NBEA: variants seen among roughly 807,000 people sequenced by gnomAD.
NBEA encodes neurobeachin, also known as lysosomal-trafficking regulator 2.
In NBEA, 44 loss-of-function variants were observed where a neutral mutation model predicts 343.4. The observed-to-expected ratio is 0.13, with a 90% confidence interval of 0.10 to 0.16. NBEA has a LOEUF of 0.16. Ranked by LOEUF, NBEA falls within the 10% of genes least tolerant of loss-of-function variation. The pLI is 1.00. For missense variants in NBEA, 2,555 were observed against 3,631.3 expected, an observed-to-expected ratio of 0.70 and a Z score of 7.62; for synonymous variants, 1,175 against 1,238.7, an observed-to-expected ratio of 0.95 and a Z score of 1.08.
At chr13:35,429,329 G>A (rs539475681) in intron 38 of NBEA, among the ~76,000 whole-genome samples, 14 of 152,186 alleles carry the variant, frequency 9.2e-5, no homozygotes, top group Admixed American at 3.9e-4. Context: ...TGCTGGTGTA[G>A]GTCAGGTGGG....
At chr13:35,044,603 G>GGTGTGTGTGTGTGT (rs3045194) in intron 2 of NBEA, among the ~76,000 whole-genome samples, 17 of 142,598 alleles carry the variant, frequency 1.2e-4, no homozygotes, top group South Asian at 2.3e-4. Context: ...GCTGTGTTGT[G>GGTGTGTGTGTGTGT]GTGTGTGTGT....
intron 41 of NBEA, among the ~76,000 whole-genome samples, chr13:35,542,557 A>G (rs1047373266): frequency 1.3e-5 from 2 of 152,284 alleles, no homozygotes; most frequent in Non-Finnish European, 2.9e-5. Context: ...AAACTCTTCT[A>G]CCAGATATTT....
At chr13:35,289,890 ATTAT>A (rs1213259762) in intron 34 of NBEA, among the ~76,000 whole-genome samples, 3 of 151,832 alleles carry the variant, frequency 2.0e-5, no homozygotes, top group South Asian at 2.1e-4. Flanking sequence ...TATTTTTAAA[ATTAT>A]TTAATAACTG....
chr13:35,018,101 A>G (rs1006777581), intron 1 of NBEA, among the ~76,000 whole-genome samples: 2 of 151,970 alleles, frequency 1.3e-5, no homozygotes, highest in Admixed American at 6.6e-5. Flanking sequence ...TGTTCTGTTA[A>G]TGTGTATGTC....
chr13:34,944,368 G>C (rs571425978), intron 1 of NBEA, among the ~76,000 whole-genome samples: 1 of 152,336 alleles, frequency 6.6e-6, no homozygotes, highest in East Asian at 1.9e-4. Flanking sequence ...ATTAGATAAT[G>C]TCTACGGTTT....
chr13:35,441,847 A>G (rs1253922263), intron 39 of NBEA, among the ~76,000 whole-genome samples: 3 of 147,478 alleles, frequency 2.0e-5, no homozygotes, highest in Non-Finnish European at 4.5e-5. Context: ...AAAAAAAAAA[A>G]GAAGACACTG....
Position 35,159,573 on chromosome 13 carries a change from T to C in NBEA, c.3402T>C (p.Asp1134=). ...KDNGPLITLA[D]EKEDLPNSST... ...ATGGTCCATTGATAACATTAGCAGA[T>C]GAGAAAGAAGACCTTCCCAATAGTA... Residue 1134 remains aspartate (D), a synonymous_variant, in exon 22 of 59, where the codon GAT becomes GAC. Transcript: ENST00000379939. 1 of 1,612,388 alleles carries C rather than the reference T, an allele frequency of 6.2e-7. No homozygotes were observed.
At chr13:35,638,580 C>T (rs2083802691) in intron 49 of NBEA, among the ~76,000 whole-genome samples, 1 of 152,176 alleles carries the variant, frequency 6.6e-6, no homozygotes, top group Admixed American at 6.5e-5. Flanking sequence ...TATGGAGGCG[C>T]ATCTTCCAGA....
chr13:35,473,414 A>G (rs995595046), intron 41 of NBEA, among the ~76,000 whole-genome samples: 17 of 152,196 alleles, frequency 1.1e-4, no homozygotes, highest in Admixed American at 9.8e-4. Context: ...CCACAGATCC[A>G]GAACTTTATT....
chr13:35,270,581 A>C (rs965143450), intron 34 of NBEA, among the ~76,000 whole-genome samples: 1 of 152,156 alleles, frequency 6.6e-6, no homozygotes, highest in Non-Finnish European at 1.5e-5. Context: ...TAGCCAAGGG[A>C]AGCCATGAGT....
At chr13:35,255,034 A>G (rs1224952040) in intron 34 of NBEA, among the ~76,000 whole-genome samples, 1 of 152,232 alleles carries the variant, frequency 6.6e-6, no homozygotes, top group Non-Finnish European at 1.5e-5. Context: ...TGAAAACTAA[A>G]AAATAAAATG....
chr13:35,454,889 A>G (rs1008546110), intron 40 of NBEA, among the ~76,000 whole-genome samples: 1 of 151,970 alleles, frequency 6.6e-6, no homozygotes, highest in Non-Finnish European at 1.5e-5. Context: ...AAATAAAAAT[A>G]AAAAATAAAA....
At chr13:35,154,700 TA>T in intron 18 of NBEA, among the ~76,000 whole-genome samples, 1 of 152,344 alleles carries the variant, frequency 6.6e-6, no homozygotes, top group South Asian at 2.1e-4. Context: ...GGAAAGTTAG[TA>T]AATGTTTTAG....
intron 4 of NBEA, among the ~76,000 whole-genome samples, chr13:35,046,026 G>A (rs1255823239): frequency 6.6e-6 from 1 of 151,980 alleles, no homozygotes; most frequent in Non-Finnish European, 1.5e-5. Flanking sequence ...ACCCGGCCTG[G>A]TATATAGTCT....
At chr13:35,018,373 G>A (rs1025514383) in intron 1 of NBEA, among the ~76,000 whole-genome samples, 2 of 152,100 alleles carry the variant, frequency 1.3e-5, no homozygotes, top group Non-Finnish European at 2.9e-5. Context: ...GTAAATGTCT[G>A]TATCTACTTA....
chr13:35,595,419 T>C (rs1261906443), intron 47 of NBEA, among the ~76,000 whole-genome samples: 1 of 152,102 alleles, frequency 6.6e-6, no homozygotes, highest in Non-Finnish European at 1.5e-5. Context: ...TTGCTCTCAT[T>C]TTCAGCTCTC....
At chr13:35,308,520 A>G (rs1221485187) in intron 35 of NBEA, among the ~76,000 whole-genome samples, 2 of 122,402 alleles carry the variant, frequency 1.6e-5, no homozygotes, top group African/African-American at 6.0e-5. Flanking sequence ...ATGTGTATAT[A>G]TGTATATATA....
intron 34 of NBEA, among the ~76,000 whole-genome samples, chr13:35,273,870 T>C (rs957349260): frequency 6.6e-6 from 1 of 152,004 alleles, no homozygotes; most frequent in African/African-American, 2.4e-5. Flanking sequence ...AGGCAATAAT[T>C]AATAGCCTAC....
chr13:35,044,769 GT>G (rs2062783908), intron 2 of NBEA, among the ~76,000 whole-genome samples, 177 bp from the exon 3 acceptor site: 1 of 151,458 alleles, frequency 6.6e-6, no homozygotes, highest in Non-Finnish European at 1.5e-5. Context: ...GTTAAAAATT[GT>G]TAATTGGAAT....
Sources: gnomAD v4.1 joint callset for allele counts (sites outside exome capture counted in the v4.1 genomes callset) on GRCh38, gnomAD v4.1.1 for gene constraint, MANE v1.5 for transcripts, NCBI Gene and HGNC (gene_info 2026-07-23, HGNC 2026-07-21) for gene names.